Variants in OSBP2 observed in about 807,000 individuals in gnomAD.
OSBP2 encodes the protein oxysterol binding protein 2.
In OSBP2, 66 loss-of-function variants were observed where a neutral mutation model predicts 96.0. The observed-to-expected ratio is 0.69, with a 90% CI of 0.56 to 0.84. The LOEUF is 0.84. OSBP2 is among the 40% of genes least tolerant of loss of function. The pLI is 0.00. For synonymous variants in OSBP2, 525 were observed against 520.9 expected (o/e 1.01, Z -0.11); for missense variants, 1,038 against 1,222.7 (o/e 0.85, Z 2.25).
intron 2 of OSBP2, among the ~76,000 whole-genome samples, chr22:30,848,843 C>G (rs995076312): frequency 6.6e-5 from 10 of 152,132 alleles, no homozygotes; most frequent in Non-Finnish European, 1.3e-4. Flanking sequence ...CAGTTTGGGG[C>G]TGCTATGAGC....
intron 2 of OSBP2, among the ~76,000 whole-genome samples, chr22:30,828,913 A>G (rs1471417256): frequency 6.6e-6 from 1 of 152,126 alleles, no homozygotes; most frequent in East Asian, 1.9e-4. Context: ...GTTGTGCTGG[A>G]CTGGAAGGGC....
chr22:30,821,336 G>A (rs1460501393), intron 2 of OSBP2, among the ~76,000 whole-genome samples: 1 of 152,220 alleles, frequency 6.6e-6, no homozygotes, highest in Admixed American at 6.5e-5. Context: ...CAGGGAGATT[G>A]TGTAAGAGTC....
intron 1 of OSBP2, among the ~76,000 whole-genome samples, chr22:30,730,774 C>CTCTCTCTCTCTCTCTCTATATATA (rs1569100458): frequency 7.2e-5 from 1 of 13,836 alleles, no homozygotes; most frequent in African/African-American, 2.9e-4. Flanking sequence ...CTCTCTCTCT[C>CTCTCTCTCTCTCTCTCTATATATA]TATATATATA....
chr22:30,834,448 T>C (rs2038591768), intron 2 of OSBP2, among the ~76,000 whole-genome samples: 1 of 152,224 alleles, frequency 6.6e-6, no homozygotes, highest in Admixed American at 6.5e-5. Context: ...CATTTTACAT[T>C]ATCACAAGGA....
chr22:30,904,796 A>G (rs2040292695), intron 12 of OSBP2, among the ~76,000 whole-genome samples: 1 of 152,218 alleles, frequency 6.6e-6, no homozygotes, highest in African/African-American at 2.4e-5. Flanking sequence ...TGCCAAGTAT[A>G]TTGTCTGACT....
chr22:30,717,017 A>G (rs136383), intron 1 of OSBP2, among the ~76,000 whole-genome samples: 95,442 of 151,202 alleles, frequency 0.63, 30,722 homozygotes, highest in Middle Eastern at 0.72. Flanking sequence ...CTTTATGCCT[A>G]TGGTTTTCTC....
rs370048520 is a variant in OSBP2, at chr22:30,870,404, G to A, written c.854-25G>A. 44 of 1,612,084 alleles carry A rather than the reference G, an allele frequency of 2.7e-5. No individual in the cohort carries two copies. Among genetic ancestry groups the A allele is most frequent in the African/African-American group, 1.6e-4 (12 of 74,914 alleles). The stretch of plus-strand genomic sequence containing the variant: ...GGTACCACGTCTGTTCGTAATGACC[G>A]TAACAACTCTATTTTCTTCCACAGA... On this transcript the variant is annotated intron_variant, in intron 2 of 13. Coordinates refer to ENST00000332585, the MANE Select transcript of OSBP2 (RefSeq NM_030758.4). The surrounding 1 kb of genome is among the most constrained non-coding windows in gnomAD (Gnocchi z 4.1).
At chr22:30,813,894 C>T (rs2091046314) in intron 2 of OSBP2, among the ~76,000 whole-genome samples, 1 of 151,884 alleles carries the variant, frequency 6.6e-6, no homozygotes, top group Non-Finnish European at 1.5e-5. Context: ...CCTCCGCCTC[C>T]CGGGTTCAAG....
At chr22:30,757,457 G>A (rs1406025382) in intron 2 of OSBP2, among the ~76,000 whole-genome samples, 1 of 150,990 alleles carries the variant, frequency 6.6e-6, no homozygotes, top group African/African-American at 2.4e-5. Context: ...AGTCTCTGTC[G>A]CCCAAGCTGG....
chr22:30,787,592 G>T (rs2145819818), intron 2 of OSBP2, among the ~76,000 whole-genome samples: 1 of 152,272 alleles, frequency 6.6e-6, no homozygotes, highest in South Asian at 2.1e-4. Flanking sequence ...AGAATCACTT[G>T]AACCCGGGAG....
intron 2 of OSBP2, among the ~76,000 whole-genome samples, chr22:30,855,423 G>T (rs983785121): frequency 6.6e-6 from 1 of 152,190 alleles, no homozygotes; most frequent in Admixed American, 6.5e-5. Context: ...GCCAGAAGGA[G>T]AGCCCACAGC....
chr22:30,732,816 A>G (rs1229024423), intron 1 of OSBP2, among the ~76,000 whole-genome samples: 1 of 152,216 alleles, frequency 6.6e-6, no homozygotes, highest in Non-Finnish European at 1.5e-5. Context: ...CCGCTAAGCC[A>G]GTAGGCCATT....
At chr22:30,811,319 T>C (rs932639946) in intron 2 of OSBP2, among the ~76,000 whole-genome samples, 5 of 134,372 alleles carry the variant, frequency 3.7e-5, no homozygotes, top group African/African-American at 1.5e-4. Flanking sequence ...TTTATTTTTT[T>C]TATTTTTATT....
intron 1 of OSBP2, among the ~76,000 whole-genome samples, chr22:30,717,960 C>T (rs1331016289): frequency 1.3e-5 from 2 of 152,184 alleles, no homozygotes; most frequent in Admixed American, 6.6e-5. Context: ...GATTTAAACT[C>T]TGAGGTTAAA....
upstream of OSBP2, chr22:30,694,244 C>T: frequency 1.3e-6 from 2 of 1,549,910 alleles, no homozygotes; most frequent in Non-Finnish European, 1.7e-6. Context: ...AGCGAAGCGC[C>T]TTGGCATGAA....
chr22:30,745,364 A>C (rs1055797147), intron 2 of OSBP2, among the ~76,000 whole-genome samples: 3 of 152,206 alleles, frequency 2.0e-5, no homozygotes, highest in Non-Finnish European at 4.4e-5. Context: ...AGGAAACAAT[A>C]AAGATTAAAG....
chr22:30,739,472 G>GT (rs1054350051), intron 1 of OSBP2, among the ~76,000 whole-genome samples: 3 of 152,158 alleles, frequency 2.0e-5, no homozygotes, highest in Middle Eastern at 3.4e-3. Context: ...CAACTCTGTA[G>GT]TTCTTTTTTT....
At chr22:30,726,389 A>G (rs1227421644) in intron 1 of OSBP2, among the ~76,000 whole-genome samples, 1 of 152,186 alleles carries the variant, frequency 6.6e-6, no homozygotes, top group Non-Finnish European at 1.5e-5. Flanking sequence ...AGGGACAGAA[A>G]ACTAAACACA....
intron 12 of OSBP2, among the ~76,000 whole-genome samples, chr22:30,900,990 A>G (rs1234700910): frequency 6.6e-6 from 1 of 152,230 alleles, no homozygotes; most frequent in African/African-American, 2.4e-5. Flanking sequence ...CATAATATCT[A>G]CCTACACTTG....
Sources: allele counts gnomAD v4.1 joint callset (sites outside exome capture counted in the v4.1 genomes callset), GRCh38; gene constraint gnomAD v4.1.1; non-coding constraint Gnocchi (gnomAD v3.1); transcripts MANE v1.5; gene names NCBI Gene and HGNC (gene_info 2026-07-23, HGNC 2026-07-21).